MSANTD1: variants seen among roughly 807,000 people sequenced by gnomAD.
MSANTD1 encodes the protein myb/SANT-like DNA-binding domain-containing protein 1.
A neutral mutation model predicts 24.2 loss-of-function variants in MSANTD1; 7 were observed. That is an observed-to-expected ratio of 0.29 (90% confidence interval 0.16 to 0.54). The LOEUF (loss-of-function observed/expected upper bound fraction) is 0.54, where lower values mean the gene tolerates loss of function less well. MSANTD1 is among the 20% of genes least tolerant of loss of function. MSANTD1 has a pLI of 0.94. For synonymous variants in MSANTD1, 177 were observed against 181.1 expected (o/e 0.98, Z 0.18); for missense variants, 384 against 408.2 (o/e 0.94, Z 0.51).
intron 1 of MSANTD1, among the ~76,000 whole-genome samples, chr4:3,250,920 G>A (rs1167656012): frequency 1.3e-5 from 2 of 152,250 alleles, no homozygotes; most frequent in South Asian, 2.1e-4. Context: ...CGGACAGACC[G>A]CCAGCCTGTG....
At chr4:3,254,648 T>G (rs1722332175) in intron 2 of MSANTD1, among the ~76,000 whole-genome samples, 1 of 151,818 alleles carries the variant, frequency 6.6e-6, no homozygotes. Context: ...TTCAGGGAGG[T>G]CTGCTGAGAC....
At position 3,249,301 on chromosome 4, in the gene MSANTD1, G is replaced by A. The variant is rs1359123623; in HGVS notation, c.79G>A (p.Glu27Lys). 46 of 1,534,938 alleles carry A rather than the reference G, an allele frequency of 3.0e-5. No individual in the cohort carries two copies. The highest frequency in any genetic ancestry group is 2.2e-4 in the East Asian group (9 of 40,588). Residue 27 changes from glutamate to lysine, a missense_variant, in exon 1 of 3, where the codon GAG (glutamate) becomes AAG (lysine). Physicochemically the swap from Glu to Lys is moderately conservative, Grantham distance 56. Transcript: ENST00000438480. The part of the protein sequence containing the change: ...PTGASGMAAA[E>K]GPGYLVSPQA... ...AGGCGCCTCCGGCATGGCGGCGGCCGAGGGGCCCGGCTACCTCGTGTCTCC... is the reference window on the plus strand; with the variant it reads ...AGGCGCCTCCGGCATGGCGGCGGCCAAGGGGCCCGGCTACCTCGTGTCTCC...
intron 2 of MSANTD1, among the ~76,000 whole-genome samples, chr4:3,254,899 G>C (rs1722339471): frequency 6.6e-6 from 1 of 152,206 alleles, no homozygotes; most frequent in African/African-American, 2.4e-5. Flanking sequence ...TGGGACCTCA[G>C]TTTCCCCATC....
At position 3,249,369 on chromosome 4, in the gene MSANTD1, C is replaced by T. The variant is rs147328965; in HGVS notation, c.147C>T (p.Ala49=). The change falls in exon 1 of 3, where the codon GCC becomes GCT. Residue 49 remains alanine (A), a synonymous_variant. Coordinates refer to ENST00000438480, the MANE Select transcript of MSANTD1 (RefSeq NM_001042690.2). ...KHRRARNWTD[A]EMRGLMLVWE... Reference sequence around the variant, plus strand: ...GGCGGGCCCGCAACTGGACGGACGCCGAGATGCGCGGCCTCATGCTGGTCT... The same window carrying T: ...GGCGGGCCCGCAACTGGACGGACGCTGAGATGCGCGGCCTCATGCTGGTCT... The T allele has an allele frequency of 7.4e-4, 1,157 of 1,568,144 alleles. 11 individuals carry two copies. In the South Asian group the frequency reaches 8.7e-3, roughly 12 times the overall value.
chr4:3,251,533 T>C (rs1469494617), intron 1 of MSANTD1, among the ~76,000 whole-genome samples: 1 of 152,096 alleles, frequency 6.6e-6, no homozygotes, highest in Non-Finnish European at 1.5e-5. Context: ...CAGCCTTAGT[T>C]CACCGAGGGG....
upstream of MSANTD1, among the ~76,000 whole-genome samples, chr4:3,245,806 G>A (rs770867753): frequency 4.5e-4 from 68 of 152,124 alleles, no homozygotes; most frequent in Non-Finnish European, 8.1e-4. Flanking sequence ...GGGGGGGCCC[G>A]CCAGTGTGGC....
At position 3,253,291 on chromosome 4, in the gene MSANTD1, C is replaced by T. The variant is rs1722285288; in HGVS notation, c.405C>T (p.Val135=). The change falls in exon 2 of 3, where the codon GTC becomes GTT. Residue 135 remains valine, a synonymous_variant. Transcript: ENST00000438480. ...YLAIDGILAK[V]PESCDGKLPD... is the part of the protein sequence containing the mutation. ...CCATTGATGGGATTCTGGCCAAGGT[C>T]CCCGAGTCCTGTGATGGCAAACTGC... 6.2e-7 allele frequency: 1 copy of T among 1,609,696 alleles called. No homozygotes were observed. The highest frequency in any genetic ancestry group is 8.5e-7 in the Non-Finnish European group (1 of 1,177,712).
Position 3,255,233 on chromosome 4 carries a change from CT to C in MSANTD1, c.597-477del, listed in dbSNP as rs555315961. On this transcript the variant is annotated intron_variant, in intron 2 of 2. Coordinates refer to ENST00000438480, the MANE Select transcript of MSANTD1 (RefSeq NM_001042690.2). Reference sequence around the variant, plus strand: ...CTGTGGCCTCTCTTTCTTTCTTTTTCTTTTTTTTTTTTTTTGAGACGGAGTC... The same window carrying C: ...CTGTGGCCTCTCTTTCTTTCTTTTTCTTTTTTTTTTTTTTGAGACGGAGTC... Among the ~76,000 whole-genome samples, 243 of 143,738 alleles carry C rather than the reference CT, an allele frequency of 1.7e-3. 1 individual carries two copies. The highest frequency in any genetic ancestry group is 2.1e-3 in the Admixed American group (30 of 14,400). 94.3% of individuals were successfully genotyped at this position (143,738 alleles called of 152,430 possible). A position where few individuals can be genotyped will look rare whatever the true frequency, so the allele number is the denominator to read the frequency against.
At position 3,249,344 on chromosome 4, in the gene MSANTD1, G is replaced by T. The variant is rs754304947; in HGVS notation, c.122G>T (p.Arg41Leu). The T allele has an allele frequency of 1.3e-6, 2 of 1,552,578 alleles. No individual in the cohort carries two copies. The highest frequency in any genetic ancestry group is 2.4e-5 in the East Asian group (1 of 41,324). The part of the protein sequence containing the change: ...YLVSPQAEKH[R>L]RARNWTDAEM... ...GTGTCTCCCCAGGCGGAGAAGCACCGGCGGGCCCGCAACTGGACGGACGCC... is the reference window on the plus strand; with the variant it reads ...GTGTCTCCCCAGGCGGAGAAGCACCTGCGGGCCCGCAACTGGACGGACGCC... Residue 41 changes from arginine (R) to leucine (L), a missense_variant, in exon 1 of 3, where the codon CGG (arginine) becomes CTG (leucine). Physicochemically the swap from Arg to Leu is moderately radical, Grantham distance 102. Transcript: ENST00000438480.
chr4:3,253,509 G>A (rs1244269886), intron 2 of MSANTD1, 27 bp downstream of exon 2: 3 of 1,474,528 alleles, frequency 2.0e-6, no homozygotes, highest in East Asian at 2.6e-5. Flanking sequence ...TCCTTCCCCT[G>A]CCCTGGGGTA....
chr4:3,248,950 T>G (rs1722121717), upstream of MSANTD1: 3 of 347,402 alleles, frequency 8.6e-6, no homozygotes, highest in Non-Finnish European at 1.5e-5. Flanking sequence ...TGGGCGGCGG[T>G]GAGAGGCAGG....
At chr4:3,247,244 AG>A (rs1479533820), upstream of MSANTD1, among the ~76,000 whole-genome samples, 3 of 152,138 alleles carry the variant, frequency 2.0e-5, no homozygotes, top group East Asian at 5.8e-4. Context: ...TGTGGAGGTG[AG>A]GAAACAGGTT....
rs951278397 is a variant in MSANTD1, at chr4:3,249,218, C to T, written c.-5C>T. 22 of 1,392,586 alleles carry T rather than the reference C, an allele frequency of 1.6e-5. No individual in the cohort carries two copies. Among genetic ancestry groups the T allele is most frequent in the South Asian group, 3.3e-5 (2 of 60,300 alleles). 86.3% of individuals were successfully genotyped at this position (1,392,586 alleles called of 1,614,324 possible). A position where few individuals can be genotyped will look rare whatever the true frequency, so the allele number is the denominator to read the frequency against. On this transcript the variant is annotated 5_prime_UTR_variant, in exon 1 of 3. Transcript: ENST00000438480. Reference sequence around the variant, plus strand: ...TCGAGCGAGCGTGAGCGGCGCCTCCCGCCCATGGTGCGTGGGGCCGGGCCG... The same window carrying T: ...TCGAGCGAGCGTGAGCGGCGCCTCCTGCCCATGGTGCGTGGGGCCGGGCCG...
chr4:3,249,854 G>C (rs1722165603), intron 1 of MSANTD1, among the ~76,000 whole-genome samples: 1 of 152,162 alleles, frequency 6.6e-6, no homozygotes. Flanking sequence ...GGACGTATGG[G>C]CGGTCTGGGC....
chr4:3,256,254 T>A lies in MSANTD1; in HGVS notation c.*289T>A. The A allele has an allele frequency of 3.3e-6, 1 of 304,972 alleles. No homozygotes were observed. Among genetic ancestry groups the A allele is most frequent in the Non-Finnish European group, 6.0e-6 (1 of 166,178 alleles). The allele number at this position is 304,972 out of a possible 1,614,324, so 18.9% of individuals were successfully genotyped here. A position where few individuals can be genotyped will look rare whatever the true frequency, so the allele number is the denominator to read the frequency against. On this transcript the variant is annotated 3_prime_UTR_variant, in exon 3 of 3. Transcript: ENST00000438480. The stretch of plus-strand genomic sequence containing the variant: ...TCCTAGAGCCACTCTCCAGTGTCGT[T>A]ACTATCAATGATACTTGACGTGGCT...
At chr4:3,246,083 T>C (rs1173826777), upstream of MSANTD1, among the ~76,000 whole-genome samples, 1 of 152,096 alleles carries the variant, frequency 6.6e-6, no homozygotes, top group East Asian at 1.9e-4. Flanking sequence ...CCCAACCTTC[T>C]ACCCTGCCCC....
chr4:3,245,778 G>T (rs1440351993), upstream of MSANTD1, among the ~76,000 whole-genome samples: 1 of 152,206 alleles, frequency 6.6e-6, no homozygotes, highest in Non-Finnish European at 1.5e-5. Context: ...ACCCAGTCCT[G>T]TTGCAGCCAC....
At chr4:3,246,802 C>T, upstream of MSANTD1, 1 of 578,028 alleles carries the variant, frequency 1.7e-6, no homozygotes, top group Non-Finnish European at 3.1e-6. Flanking sequence ...AGGGCTCTGC[C>T]TCGGGAAAGG....
rs1415115661 is a variant in MSANTD1 at position 3,255,867 on chromosome 4, G to C, written c.739G>C (p.Val247Leu). 1.8e-5 allele frequency: 28 copies of C among 1,545,202 alleles called. No individual in the cohort carries two copies. The highest frequency in any genetic ancestry group is 2.1e-4 in the Middle Eastern group (1 of 4,792). The change falls in exon 3 of 3, where the codon GTG becomes CTG. Residue 247 changes from valine to leucine, a missense_variant. Transcript: ENST00000438480. ...GGAGACCTGCCGCGAGGTGCGCCGC[G>C]TGCTGGACCAGCAGCACATCCTGCA... ...VEETCREVRR[V>L]LDQQHILQVQ...
Sources: allele counts gnomAD v4.1 joint callset (sites outside exome capture counted in the v4.1 genomes callset), GRCh38; gene constraint gnomAD v4.1.1; transcripts MANE v1.5; gene names NCBI Gene and HGNC (gene_info 2026-07-23, HGNC 2026-07-21).